The following TEAD1 variants were observed in gnomAD, a reference collection of about 807,000 sequenced individuals.
TEAD1 encodes the protein TEA domain transcription factor 1, also known as transcriptional enhancer factor TEF-1.
In TEAD1, 9 loss-of-function variants were observed where a neutral mutation model predicts 54.9. That is an observed-to-expected ratio of 0.16 (90% CI 0.10 to 0.29). The LOEUF (loss-of-function observed/expected upper bound fraction) is 0.29. TEAD1 is among the 10% of genes least tolerant of loss of function. The pLI, the probability that TEAD1 is intolerant of heterozygous loss-of-function variation, is 1.00. For synonymous variants in TEAD1, 200 were observed against 187.8 expected, an observed-to-expected ratio of 1.07 and a Z score of -0.53; for missense variants, 387 against 535.9, an observed-to-expected ratio of 0.72 and a Z score of 2.74.
At chr11:12,744,210 A>T (rs974173130) in intron 2 of TEAD1, among the ~76,000 whole-genome samples, 1 of 152,222 alleles carries the variant, frequency 6.6e-6, no homozygotes, top group Non-Finnish European at 1.5e-5. Context: ...CTGTGTATAC[A>T]GTGTGAGAGG....
intron 2 of TEAD1, among the ~76,000 whole-genome samples, chr11:12,700,304 A>G (rs910164314): frequency 5.3e-5 from 8 of 152,268 alleles, no homozygotes; most frequent in South Asian, 2.1e-4. Flanking sequence ...TTTTTCTTCC[A>G]TAACTAGAGA....
At chr11:12,879,623 T>G in intron 5 of TEAD1, 85 bp from the exon 6 acceptor site, 2 of 1,562,872 alleles carry the variant, frequency 1.3e-6, no homozygotes, top group Middle Eastern at 1.7e-4. Context: ...TGTATTTTAG[T>G]CCATGTGCTC....
intron 2 of TEAD1, among the ~76,000 whole-genome samples, chr11:12,727,979 C>T (rs1288053681): frequency 6.6e-6 from 1 of 152,006 alleles, no homozygotes; most frequent in Non-Finnish European, 1.5e-5. Context: ...TGCCATTATA[C>T]CACTGTTTCC....
At chr11:12,813,288 G>C (rs1372771756) in intron 3 of TEAD1, among the ~76,000 whole-genome samples, 2 of 152,182 alleles carry the variant, frequency 1.3e-5, no homozygotes, top group Non-Finnish European at 2.9e-5. Flanking sequence ...TTTTCTCTGT[G>C]AAGTTATGGC....
At chr11:12,865,172 CTTGATAACT>C in intron 5 of TEAD1, 1 of 491,058 alleles carries the variant, frequency 2.0e-6, no homozygotes, top group Non-Finnish European at 3.7e-6. Context: ...GAGAGCTGGT[CTTGATAACT>C]TTTCAGCACA....
chr11:12,707,214 A>G (rs1057160408), intron 2 of TEAD1, among the ~76,000 whole-genome samples: 3 of 139,190 alleles, frequency 2.2e-5, no homozygotes, highest in South Asian at 4.5e-4. Context: ...CTCACTTTCT[A>G]TAGAGGAACG....
intron 3 of TEAD1, among the ~76,000 whole-genome samples, chr11:12,799,910 T>G (rs998595730): frequency 2.0e-5 from 3 of 149,086 alleles, no homozygotes; most frequent in Admixed American, 6.6e-5. Context: ...GAGAATGCAG[T>G]TTTTTTGAAA....
chr11:12,863,683 T>C (rs180994513), intron 4 of TEAD1, among the ~76,000 whole-genome samples: 119 of 152,272 alleles, frequency 7.8e-4, no homozygotes, highest in Non-Finnish European at 1.4e-3. Context: ...TCTAATCATC[T>C]ACATTCTGAC....
At position 12,937,511 on chromosome 11, in the gene TEAD1, A is replaced by G. The variant is rs1590007953; in HGVS notation, c.*289A>G. 2 of 285,512 alleles carry G rather than the reference A, an allele frequency of 7.0e-6. No individual in the cohort carries two copies. The highest frequency in any genetic ancestry group is 7.5e-5 in the East Asian group (1 of 13,264). The allele number at this position is 285,512 out of a possible 1,614,324, so 17.7% of individuals were successfully genotyped here. On this transcript the variant is annotated 3_prime_UTR_variant, in exon 13 of 13. Coordinates refer to ENST00000527636, the MANE Select transcript of TEAD1 (RefSeq NM_021961.6). ...GCCCACAATTCCTCGGGAAAGGTGA[A>G]CCTGAACAACCCAAGTCTCTCTCTG...
intron 3 of TEAD1, among the ~76,000 whole-genome samples, chr11:12,785,494 A>G (rs1223722868): frequency 1.3e-5 from 2 of 152,218 alleles, no homozygotes; most frequent in Non-Finnish European, 2.9e-5. Flanking sequence ...TTCAGAGAAT[A>G]AATGGGGGCA....
At chr11:12,753,210 A>T (rs1270860563) in intron 2 of TEAD1, among the ~76,000 whole-genome samples, 1 of 152,208 alleles carries the variant, frequency 6.6e-6, no homozygotes, top group African/African-American at 2.4e-5. Context: ...TGTTACAAAC[A>T]ATGAAAATAT....
intron 2 of TEAD1, among the ~76,000 whole-genome samples, chr11:12,676,234 C>T (rs1297737450): frequency 6.6e-6 from 1 of 152,250 alleles, no homozygotes; most frequent in African/African-American, 2.4e-5. Context: ...AGATTTCTTT[C>T]TCCCCGCTTT....
At chr11:12,675,191 G>A (rs1943053585) in intron 1 of TEAD1, among the ~76,000 whole-genome samples, 1 of 151,128 alleles carries the variant, frequency 6.6e-6, no homozygotes, top group Non-Finnish European at 1.5e-5. Context: ...TGGACGGGGT[G>A]CGCTGGGGAG....
intron 3 of TEAD1, among the ~76,000 whole-genome samples, chr11:12,800,189 T>A (rs1220281024): frequency 1.3e-5 from 2 of 152,186 alleles, no homozygotes; most frequent in Non-Finnish European, 2.9e-5. Context: ...TGTCCGTGGA[T>A]GATGACTGCT....
intron 2 of TEAD1, among the ~76,000 whole-genome samples, chr11:12,759,327 A>C (rs539307110): frequency 1.8e-4 from 27 of 149,134 alleles, no homozygotes; most frequent in African/African-American, 7.0e-4. Flanking sequence ...TTGAATACAC[A>C]TGTGATATCT....
intron 6 of TEAD1, among the ~76,000 whole-genome samples, chr11:12,880,769 C>T (rs1214892442): frequency 1.3e-5 from 2 of 152,210 alleles, no homozygotes; most frequent in South Asian, 2.1e-4. Context: ...CTGCTGCCTG[C>T]GTCTGCCCTT....
At chr11:12,916,920 C>T (rs1448507071) in intron 10 of TEAD1, among the ~76,000 whole-genome samples, 1 of 152,150 alleles carries the variant, frequency 6.6e-6, no homozygotes, top group Non-Finnish European at 1.5e-5. Context: ...AATTGTGTTA[C>T]AGAAGTGTTC....
At chr11:12,715,699 T>C (rs1944044810) in intron 2 of TEAD1, among the ~76,000 whole-genome samples, 1 of 152,032 alleles carries the variant, frequency 6.6e-6, no homozygotes, top group African/African-American at 2.4e-5. Context: ...GATGGGCTTA[T>C]CAGATTAAAA....
chr11:12,890,879 C>G (rs1455640555), intron 9 of TEAD1, among the ~76,000 whole-genome samples: 1 of 152,198 alleles, frequency 6.6e-6, no homozygotes, highest in African/African-American at 2.4e-5. Context: ...ATTCCCCTGC[C>G]TCAGCCTCCC....
Sources: allele counts gnomAD v4.1 joint callset (sites outside exome capture counted in the v4.1 genomes callset), GRCh38; gene constraint gnomAD v4.1.1; transcripts MANE v1.5; gene names NCBI Gene and HGNC (gene_info 2026-07-23, HGNC 2026-07-21).